Variants in BIRC2 observed in about 807,000 individuals in gnomAD.
BIRC2 encodes the protein baculoviral IAP repeat containing 2.
A neutral mutation model predicts 60.9 loss-of-function variants in BIRC2; 18 were observed. The observed-to-expected ratio is 0.30, with a 90% CI of 0.20 to 0.44. BIRC2 has a LOEUF of 0.44. Ranked by LOEUF, BIRC2 falls within the 20% of genes least tolerant of loss-of-function variation. The pLI is 1.00. For missense variants in BIRC2, 701 were observed against 728.5 expected, an observed-to-expected ratio of 0.96 and a Z score of 0.43; for synonymous variants, 282 against 247.7, an observed-to-expected ratio of 1.14 and a Z score of -1.30.
Position 102,378,145 on chromosome 11 carries a change from G to A in BIRC2, c.1819G>A (p.Gly607Ser), listed in dbSNP as rs766871379. ...TCTAAGAAAATGCCCTATTTGCAGG[G>A]GTATAATCAAGGGTACTGTTCGTAC... ...PSLRKCPICR[G>S]IIKGTVRTFL... is the part of the protein sequence containing the mutation. The change falls in exon 9 of 9, where the codon GGT becomes AGT. Residue 607 changes from glycine to serine, a missense_variant. By Grantham distance (56) the Gly-to-Ser change is moderately conservative (BLOSUM62 0). This residue lies in a region of BIRC2 where 52 missense variants were observed against 83.9 expected (regional missense o/e 0.62). Coordinates refer to ENST00000227758, the MANE Select transcript of BIRC2 (RefSeq NM_001166.5). 1.9e-6 allele frequency: 3 copies of A among 1,611,030 alleles called. No individual in the cohort carries two copies. In the Admixed American group the frequency reaches 5.0e-5, roughly 27 times the overall value.
chr11:102,376,093 C>G (rs760204051), intron 6 of BIRC2, among the ~76,000 whole-genome samples: 1 of 151,956 alleles, frequency 6.6e-6, no homozygotes, highest in East Asian at 1.9e-4. Context: ...TATATGAAAT[C>G]ACTGTCACCT....
At chr11:102,362,848 AT>A (rs779876501) in intron 3 of BIRC2, 47 bp from the exon 4 acceptor site, 5 of 1,417,474 alleles carry the variant, frequency 3.5e-6, no homozygotes, top group Non-Finnish European at 4.9e-6. Flanking sequence ...ATCAGGTTAT[AT>A]TTGATATGAA....
intron 3 of BIRC2, among the ~76,000 whole-genome samples, chr11:102,353,021 G>T (rs535945824): frequency 6.6e-6 from 1 of 152,066 alleles, no homozygotes; most frequent in Admixed American, 6.5e-5. Flanking sequence ...TTTTTACACT[G>T]AAAAATGACT....
chr11:102,377,728 T>C lies in BIRC2; in HGVS notation c.1599T>C (p.Ser533=), dbSNP rs1466176648. 6.2e-7 allele frequency: 1 copy of C among 1,604,860 alleles called. No homozygotes were observed. Among genetic ancestry groups the C allele is most frequent in the Admixed American group, 1.8e-5 (1 of 56,782 alleles). Residue 533 remains serine, a synonymous_variant, in exon 7 of 9, where the codon TCT becomes TCC. Transcript: ENST00000227758. ...IFKNCLKEID[S]TLYKNLFVDK... Reference sequence around the variant, plus strand: ...AAAACTGTCTAAAAGAAATTGACTCTACATTGTATAAGAACTTATTTGGTG... The same window carrying C: ...AAAACTGTCTAAAAGAAATTGACTCCACATTGTATAAGAACTTATTTGGTG...
At chr11:102,366,664 C>T (rs899770716) in intron 5 of BIRC2, among the ~76,000 whole-genome samples, 5 of 152,098 alleles carry the variant, frequency 3.3e-5, no homozygotes, top group East Asian at 1.9e-4. Context: ...CCACCATGCC[C>T]GGCCCTCCAC....
At chr11:102,362,840 C>A in intron 3 of BIRC2, 56 bp from the exon 4 acceptor site, 1 of 1,333,958 alleles carries the variant, frequency 7.5e-7, no homozygotes, top group South Asian at 1.3e-5. Context: ...CTAGAATGAT[C>A]AGGTTATATT....
At chr11:102,366,866 A>G (rs1334689674) in intron 5 of BIRC2, among the ~76,000 whole-genome samples, 1 of 152,192 alleles carries the variant, frequency 6.6e-6, no homozygotes, top group Non-Finnish European at 1.5e-5. Flanking sequence ...AGAATAAAAT[A>G]TAAACTCTTA....
intron 3 of BIRC2, among the ~76,000 whole-genome samples, chr11:102,361,276 T>C (rs1951483150): frequency 6.6e-6 from 1 of 152,162 alleles, no homozygotes; most frequent in African/African-American, 2.4e-5. Context: ...TGGGTGCACG[T>C]AGAGCAGCCT....
chr11:102,358,786 T>C (rs937425393), intron 3 of BIRC2, among the ~76,000 whole-genome samples: 2 of 152,222 alleles, frequency 1.3e-5, no homozygotes, highest in Non-Finnish European at 2.9e-5. Flanking sequence ...AAACTTTAGC[T>C]TCCTCTGCTC....
chr11:102,354,185 T>C (rs1951394276), intron 3 of BIRC2, among the ~76,000 whole-genome samples: 1 of 152,198 alleles, frequency 6.6e-6, no homozygotes, highest in African/African-American at 2.4e-5. Flanking sequence ...CCAGGTTCAT[T>C]CATGTTGCAG....
intron 3 of BIRC2, among the ~76,000 whole-genome samples, chr11:102,362,332 T>G (rs2135813150): frequency 6.6e-6 from 1 of 152,304 alleles, no homozygotes; most frequent in Non-Finnish European, 1.5e-5. Flanking sequence ...ATATAGATGG[T>G]ATGTGAACTT....
Position 102,368,539 on chromosome 11 carries a change from A to G in BIRC2, c.1357A>G (p.Met453Val), listed in dbSNP as rs370745983. 9 of 1,613,190 alleles carry G rather than the reference A, an allele frequency of 5.6e-6. No homozygotes were observed. The highest frequency in any genetic ancestry group is 1.1e-5 in the South Asian group (1 of 90,960). Residue 453 changes from methionine to valine, a missense_variant, in exon 6 of 9, where the codon ATG (methionine) becomes GTG (valine). Coordinates refer to ENST00000227758, the MANE Select transcript of BIRC2 (RefSeq NM_001166.5). ...GGAGAAGGAAAAACAAGCTGAAGAA[A>G]TGGCATCAGGTATTTGGGGATGTTA... ...EEEKEKQAEEMASDDLSLIRK... is the reference protein window; with the variant it reads ...EEEKEKQAEEVASDDLSLIRK...
rs747161471 is a variant in BIRC2, at chr11:102,368,343, T to C, written c.1161T>C (p.Asp387=). 3.1e-6 allele frequency: 5 copies of C among 1,613,908 alleles called. No individual in the cohort carries two copies. Among genetic ancestry groups the C allele is most frequent in the Non-Finnish European group, 4.2e-6 (5 of 1,179,896 alleles). The change falls in exon 6 of 9, where the codon GAT becomes GAC. Residue 387 remains aspartate (D), a synonymous_variant. Coordinates refer to ENST00000227758, the MANE Select transcript of BIRC2 (RefSeq NM_001166.5). ...HFGPGESSSE[D]AVMMNTPVVK... ...GACCTGGAGAAAGTTCTTCAGAAGA[T>C]GCTGTCATGATGAATACACCTGTGG...
At chr11:102,359,161 C>T (rs549386276) in intron 3 of BIRC2, among the ~76,000 whole-genome samples, 1 of 152,224 alleles carries the variant, frequency 6.6e-6, no homozygotes, top group Admixed American at 6.5e-5. Flanking sequence ...TTACATAGAA[C>T]ATCTTATAGT....
At chr11:102,369,910 G>A (rs1951607455) in intron 6 of BIRC2, among the ~76,000 whole-genome samples, 2 of 148,138 alleles carry the variant, frequency 1.4e-5, no homozygotes, top group African/African-American at 2.5e-5. Flanking sequence ...TTTCTCTGAT[G>A]GCCAGTGATG....
chr11:102,368,152 A>C (rs567289620), intron 5 of BIRC2, among the ~76,000 whole-genome samples, 154 bp from the exon 6 acceptor site: 10 of 152,346 alleles, frequency 6.6e-5, no homozygotes, highest in Admixed American at 5.9e-4. Context: ...TATGAAGTTC[A>C]AACTTTTATT....
rs948525008 is a variant in BIRC2 at position 102,378,302 on chromosome 11, T to G, written c.*119T>G. 189 of 760,040 alleles carry G rather than the reference T, an allele frequency of 2.5e-4. 2 individuals carry two copies. The highest frequency in any genetic ancestry group is 4.8e-4 in the Admixed American group (14 of 29,176). The allele number at this position is 760,040 out of a possible 1,614,324, so 47.1% of individuals were successfully genotyped here. A position where few individuals can be genotyped will look rare whatever the true frequency, so the allele number is the denominator to read the frequency against. On this transcript the variant is annotated 3_prime_UTR_variant, in exon 9 of 9. Transcript: ENST00000227758. ...TTTTCAATTAGTAACATTCATGTTC[T>G]AGTCTGCTTTGGTACTAATAATCTT...
At chr11:102,372,522 G>A (rs2135822258) in intron 6 of BIRC2, among the ~76,000 whole-genome samples, 1 of 152,092 alleles carries the variant, frequency 6.6e-6, no homozygotes, top group Middle Eastern at 3.4e-3. Context: ...TTGCACTGTG[G>A]TCTGAGAGAT....
chr11:102,362,249 G>C (rs532098197), intron 3 of BIRC2, among the ~76,000 whole-genome samples: 13 of 152,078 alleles, frequency 8.5e-5, no homozygotes, highest in Admixed American at 8.5e-4. Flanking sequence ...ATAGGTCAGT[G>C]TTCCTTTTTT....
Sources: gnomAD v4.1 joint callset for allele counts (sites outside exome capture counted in the v4.1 genomes callset) on GRCh38, gnomAD v4.1.1 for gene constraint, gnomAD v4.1.1 regional missense constraint, MANE v1.5 for transcripts, NCBI Gene and HGNC (gene_info 2026-07-23, HGNC 2026-07-21) for gene names.